The following CEP126 variants were observed in gnomAD, a reference collection of about 807,000 sequenced individuals.
CEP126 encodes the protein centrosomal protein 126, also known as centrosomal protein of 126 kDa.
In CEP126, 74 loss-of-function variants were observed where a neutral mutation model predicts 107.8. The observed-to-expected ratio is 0.69, with a 90% CI of 0.57 to 0.83. The LOEUF (loss-of-function observed/expected upper bound fraction) is 0.83. Among genes scored for constraint, CEP126 ranks in the 40% least tolerant of loss-of-function variants. CEP126 has a pLI of 0.00. For missense variants in CEP126, 1,237 were observed against 1,281.9 expected, an observed-to-expected ratio of 0.96 and a Z score of 0.53; for synonymous variants, 449 against 446.0, an observed-to-expected ratio of 1.01 and a Z score of -0.08.
At chr11:101,935,109 T>A (rs981912) in intron 2 of CEP126, among the ~76,000 whole-genome samples, 1 of 151,936 alleles carries the variant, frequency 6.6e-6, no homozygotes, top group Non-Finnish European at 1.5e-5. Context: ...AGTTTAGTTT[T>A]CACTTGCCTG....
Position 101,978,388 on chromosome 11 carries a change from C to T in CEP126, c.2887C>T (p.Arg963Trp), listed in dbSNP as rs578226497. The T allele has an allele frequency of 3.7e-6, 6 of 1,613,232 alleles. No homozygotes were observed. Among genetic ancestry groups the T allele is most frequent in the East Asian group, 2.2e-5 (1 of 44,766 alleles). Residue 963 changes from arginine (R) to tryptophan (W), a missense_variant, in exon 7 of 11, where the codon CGG becomes TGG. Arg to Trp is a moderately radical substitution (Grantham distance 101, BLOSUM62 -3). Around this residue, in one of 3 missense-constraint regions of CEP126, gnomAD observed 1,134 missense variants for 1,150.5 expected, o/e 0.99. Transcript: ENST00000263468. ...MRRKRIAETK[R>W]RNILEQKRQN... is the part of the protein sequence containing the mutation. ...AAGAAAACGAATTGCTGAAACTAAG[C>T]GGAGAAATATTTTAGAGCAGAAAAG...
At chr11:101,972,873 C>T (rs552464842) in intron 6 of CEP126, among the ~76,000 whole-genome samples, 3 of 152,212 alleles carry the variant, frequency 2.0e-5, no homozygotes, top group South Asian at 2.1e-4. Context: ...GTATTGCAAA[C>T]GATATGTCAT....
At chr11:101,935,172 T>C (rs1310939126) in intron 2 of CEP126, among the ~76,000 whole-genome samples, 2 of 151,966 alleles carry the variant, frequency 1.3e-5, no homozygotes, top group Admixed American at 1.3e-4. Flanking sequence ...ATTTTGTCCG[T>C]GTTTTAAGTT....
intron 1 of CEP126, among the ~76,000 whole-genome samples, chr11:101,921,292 A>G (rs1234390264): frequency 6.6e-6 from 1 of 152,172 alleles, no homozygotes; most frequent in African/African-American, 2.4e-5. Context: ...TTCCTACTAT[A>G]GATTAAGGGA....
chr11:101,946,189 C>T (rs57104749), intron 3 of CEP126, among the ~76,000 whole-genome samples: 4,235 of 151,976 alleles, frequency 0.028, 80 homozygotes, highest in African/African-American at 0.052. Context: ...CTACTGTGCC[C>T]AGCCAAAGAT....
At position 101,962,735 on chromosome 11, in the gene CEP126, A is replaced by C. The variant is rs772375001; in HGVS notation, c.1700A>C (p.His567Pro). The change falls in exon 6 of 11, where the codon CAT becomes CCT. Residue 567 changes from histidine to proline, a missense_variant. By Grantham distance (77) the His-to-Pro change is moderately conservative. Coordinates refer to ENST00000263468, the MANE Select transcript of CEP126 (RefSeq NM_020802.4). Reference sequence around the variant, plus strand: ...CATAAGAAAATGAAATACAACATCCATGAGAGAAATGGTGTGAGATTTCTT... The same window carrying C: ...CATAAGAAAATGAAATACAACATCCCTGAGAGAAATGGTGTGAGATTTCTT... ...GQHKKMKYNIHERNGVRFLKS... is the reference protein window; with the variant it reads ...GQHKKMKYNIPERNGVRFLKS... The C allele has an allele frequency of 1.4e-5, 23 of 1,612,742 alleles. No individual in the cohort carries two copies. In the South Asian group the frequency reaches 2.0e-4, roughly 14 times the overall value.
chr11:101,970,103 A>C (rs1433090815), intron 6 of CEP126, among the ~76,000 whole-genome samples: 1 of 152,228 alleles, frequency 6.6e-6, no homozygotes, highest in Non-Finnish European at 1.5e-5. Flanking sequence ...TCATCCAAAA[A>C]ACCATTACCA....
At chr11:101,976,772 T>C (rs1374191958) in intron 6 of CEP126, among the ~76,000 whole-genome samples, 1 of 152,182 alleles carries the variant, frequency 6.6e-6, no homozygotes, top group Non-Finnish European at 1.5e-5. Flanking sequence ...GCTCAGAAGG[T>C]TAACTACTCT....
intron 1 of CEP126, among the ~76,000 whole-genome samples, chr11:101,920,988 A>T (rs1232956441): frequency 6.6e-6 from 1 of 152,230 alleles, no homozygotes; most frequent in East Asian, 1.9e-4. Flanking sequence ...TTTGATAAAG[A>T]TACTTAATAA....
chr11:101,944,877 T>A (rs1336492551), intron 3 of CEP126, among the ~76,000 whole-genome samples: 4 of 152,188 alleles, frequency 2.6e-5, no homozygotes, highest in Non-Finnish European at 5.9e-5. Flanking sequence ...ATGATTATGG[T>A]TGGTTCTTTT....
intron 3 of CEP126, 97 bp downstream of exon 3, chr11:101,944,507 CAAACT>C (rs1227043403): frequency 3.3e-6 from 4 of 1,198,182 alleles, no homozygotes. Context: ...GAAGTGGAAA[CAAACT>C]AAAAAGACCA....
intron 8 of CEP126, among the ~76,000 whole-genome samples, chr11:101,984,636 G>C (rs542020198): frequency 3.3e-5 from 5 of 152,270 alleles, no homozygotes; most frequent in Admixed American, 3.3e-4. Context: ...TTTATTGAAC[G>C]ACTAGAGCAG....
At chr11:101,956,164 G>T (rs1334238648) in intron 4 of CEP126, 1 of 456,406 alleles carries the variant, frequency 2.2e-6, no homozygotes, top group African/African-American at 2.0e-5. Context: ...CACAGCACAA[G>T]TTATTTTACA....
chr11:101,951,110 A>C (rs559036492), intron 4 of CEP126, among the ~76,000 whole-genome samples: 2 of 152,282 alleles, frequency 1.3e-5, no homozygotes, highest in East Asian at 3.9e-4. Flanking sequence ...TAGTGAGAGG[A>C]TGAGAGAGAA....
In CEP126 at chr11:101,959,402, C is replaced by T. The variant is rs925215014; in HGVS notation, c.705+1036C>T. On this transcript the variant is annotated intron_variant, in intron 5 of 10. Transcript: ENST00000263468. ...TCTCTTGACCCCATGATCCGCCCGC[C>T]TCAGCCTCCCAAAATGCTGGGATTA... Among the ~76,000 whole-genome samples, 8 of 152,246 alleles carry T rather than the reference C, an allele frequency of 5.3e-5. No homozygotes were observed. The South Asian group carries it at 1.5e-3, about 28-fold the overall frequency.
At chr11:101,978,492 A>G (rs751936133) in intron 7 of CEP126, 33 bp downstream of exon 7, 8 of 1,380,414 alleles carry the variant, frequency 5.8e-6, no homozygotes, top group South Asian at 2.4e-5. Context: ...TCTCTATTCA[A>G]TATTTAAAAA....
In CEP126 at chr11:101,963,571, A is replaced by G. The variant is rs1460971854; in HGVS notation, c.2536A>G (p.Thr846Ala). ...NSFNSKHVLP[T>A]EHSLNQWNQE... ...TTTTAATTCAAAACATGTGCTTCCA[A>G]CAGAACACAGTTTGAATCAGTGGAA... is the stretch of plus-strand genomic sequence containing the variant. Residue 846 changes from threonine to alanine, a missense_variant, in exon 6 of 11, where the codon ACA becomes GCA. Thr to Ala is a moderately conservative substitution (Grantham distance 58). Transcript: ENST00000263468. 5 of 1,614,050 alleles carry G rather than the reference A, an allele frequency of 3.1e-6. No homozygotes were observed. The highest frequency in any genetic ancestry group is 1.3e-5 in the African/African-American group (1 of 74,924).
intron 1 of CEP126, among the ~76,000 whole-genome samples, chr11:101,918,097 G>T (rs1336594031): frequency 6.6e-6 from 1 of 151,994 alleles, no homozygotes; most frequent in East Asian, 1.9e-4. Flanking sequence ...CCACCCACCT[G>T]TCTTTTTTTC....
At chr11:101,979,708 A>T (rs1941233677) in intron 7 of CEP126, among the ~76,000 whole-genome samples, 1 of 152,234 alleles carries the variant, frequency 6.6e-6, no homozygotes, top group Non-Finnish European at 1.5e-5. Flanking sequence ...ACTGTACTCC[A>T]GCCCAGGTGA....
Sources: gnomAD v4.1 joint callset for allele counts (sites outside exome capture counted in the v4.1 genomes callset) on GRCh38, gnomAD v4.1.1 for gene constraint, gnomAD v4.1.1 regional missense constraint, MANE v1.5 for transcripts, NCBI Gene and HGNC (gene_info 2026-07-23, HGNC 2026-07-21) for gene names.